ERG: variants seen among roughly 807,000 people sequenced by gnomAD.
The protein encoded by ERG is transcriptional regulator ERG.
ERG carries 9 observed loss-of-function variants against 55.3 expected under a neutral mutation model. The observed-to-expected ratio is 0.16, with a 90% CI of 0.10 to 0.28. The LOEUF is 0.28. Among genes scored for constraint, ERG ranks in the 10% least tolerant of loss-of-function variants. The pLI is 1.00. For synonymous variants in ERG, 223 were observed against 237.3 expected, an observed-to-expected ratio of 0.94 and a Z score of 0.55; for missense variants, 434 against 631.6, an observed-to-expected ratio of 0.69 and a Z score of 3.35.
At chr21:38,525,299 T>G (rs962056967) in intron 2 of ERG, among the ~76,000 whole-genome samples, 2 of 152,054 alleles carry the variant, frequency 1.3e-5, no homozygotes, top group Non-Finnish European at 2.9e-5. Flanking sequence ...TCACCCTCTC[T>G]CGGGTTCTGT....
intron 1 of ERG, among the ~76,000 whole-genome samples, chr21:38,449,986 C>T (rs1235779030): frequency 6.6e-6 from 1 of 151,872 alleles, no homozygotes; most frequent in African/African-American, 2.4e-5. Flanking sequence ...ATTATCAAAC[C>T]CACCTTCAAT....
chr21:38,599,786 G>A (rs1443060419), intron 1 of ERG, among the ~76,000 whole-genome samples: 1 of 152,228 alleles, frequency 6.6e-6, no homozygotes, highest in African/African-American at 2.4e-5. Context: ...GAGGAGACTC[G>A]GAACAGGGAC....
chr21:38,645,296 T>C (rs1298789989), intron 1 of ERG, among the ~76,000 whole-genome samples: 3 of 152,142 alleles, frequency 2.0e-5, no homozygotes, highest in Non-Finnish European at 4.4e-5. Context: ...AAAACCTAAG[T>C]GTGAACTATG....
Position 38,530,220 on chromosome 21 carries a change from C to T in ERG, c.-41+45442G>A, listed in dbSNP as rs145077868. 1.3e-4 allele frequency among the ~76,000 whole-genome samples: 19 copies of T among 151,938 alleles called. No homozygotes were observed. In the East Asian group the frequency reaches 3.8e-3, roughly 30 times the overall value. ...GACTATAGGCGCACACCACCATGCCCAGCTAATTTTTGCATTTTTAGTAGA... is the reference window on the plus strand; with the variant it reads ...GACTATAGGCGCACACCACCATGCCTAGCTAATTTTTGCATTTTTAGTAGA... On this transcript the variant is annotated intron_variant, in intron 2 of 8. Coordinates refer to the ERG transcript ENST00000398897.
intron 1 of ERG, among the ~76,000 whole-genome samples, chr21:38,596,327 A>G (rs1190795336): frequency 2.0e-5 from 3 of 152,212 alleles, no homozygotes; most frequent in African/African-American, 7.2e-5. Flanking sequence ...TAAGCAAATG[A>G]ACACAAATTC....
chr21:38,419,525 A>ACG (rs1039203278), intron 3 of ERG, among the ~76,000 whole-genome samples: 1 of 151,574 alleles, frequency 6.6e-6, no homozygotes, highest in Non-Finnish European at 1.5e-5. Context: ...ATACACACAC[A>ACG]CACACGTGCG....
intron 1 of ERG, among the ~76,000 whole-genome samples, chr21:38,646,700 T>C (rs2060458870): frequency 1.3e-5 from 2 of 152,202 alleles, no homozygotes; most frequent in South Asian, 4.1e-4. Context: ...TCGCTGATCA[T>C]GTTCATACCG....
At chr21:38,533,684 A>G (rs763949579) in intron 2 of ERG, among the ~76,000 whole-genome samples, 2 of 152,142 alleles carry the variant, frequency 1.3e-5, no homozygotes, top group African/African-American at 2.4e-5. Flanking sequence ...ATTTGAGTGT[A>G]CATTGCAATA....
intron 2 of ERG, among the ~76,000 whole-genome samples, chr21:38,562,305 T>C (rs995766283): frequency 2.0e-5 from 3 of 152,238 alleles, no homozygotes; most frequent in African/African-American, 7.2e-5. Context: ...TGTGCCCTGA[T>C]AGTTTCCACT....
upstream of ERG, among the ~76,000 whole-genome samples, chr21:38,587,897 A>G (rs2060076129): frequency 6.6e-6 from 1 of 152,254 alleles, no homozygotes; most frequent in African/African-American, 2.4e-5. Context: ...TGGTTGAGAC[A>G]TTGTTGGGCC....
chr21:38,389,548 T>C (rs1426460178), intron 9 of ERG, among the ~76,000 whole-genome samples: 1 of 151,828 alleles, frequency 6.6e-6, no homozygotes, highest in Non-Finnish European at 1.5e-5. Context: ...ATAGTCATTA[T>C]TTTTATTTGA....
chr21:38,612,883 G>A (rs560407474), intron 1 of ERG, among the ~76,000 whole-genome samples: 4 of 152,076 alleles, frequency 2.6e-5, no homozygotes, highest in African/African-American at 7.2e-5. Context: ...GAATGGTCTC[G>A]ATCTCCTGAC....
At chr21:38,565,296 A>T (rs2059916188) in intron 2 of ERG, among the ~76,000 whole-genome samples, 1 of 152,212 alleles carries the variant, frequency 6.6e-6, no homozygotes, top group Admixed American at 6.5e-5. Context: ...CCCACACAAC[A>T]GCCAACATGG....
intron 7 of ERG, 170 bp downstream of exon 7, chr21:38,392,206 G>T: frequency 1.4e-6 from 1 of 711,576 alleles, no homozygotes; most frequent in East Asian, 2.7e-5. Flanking sequence ...TGACCCAAAT[G>T]GAGAAAGAAT....
At chr21:38,656,269 C>G (rs9976546) in intron 1 of ERG, among the ~76,000 whole-genome samples, 40,726 of 152,012 alleles carry the variant, frequency 0.27, 5,780 homozygotes, top group East Asian at 0.37. Flanking sequence ...ATCGAGACAT[C>G]AAGGGCTGCC....
intron 2 of ERG, among the ~76,000 whole-genome samples, chr21:38,536,327 G>A (rs2059710210): frequency 6.6e-6 from 1 of 152,026 alleles, no homozygotes; most frequent in Non-Finnish European, 1.5e-5. Flanking sequence ...AGCCATTTGG[G>A]AAAACAGCCC....
intron 1 of ERG, among the ~76,000 whole-genome samples, chr21:38,596,048 T>G: frequency 1.1e-4 from 6 of 53,908 alleles, no homozygotes; most frequent in South Asian, 7.4e-4. Flanking sequence ...TAAAAATTGG[T>G]GTGGGATTGG....
intron 2 of ERG, among the ~76,000 whole-genome samples, chr21:38,514,717 T>C (rs2059538889): frequency 6.6e-6 from 1 of 151,986 alleles, no homozygotes; most frequent in Non-Finnish European, 1.5e-5. Context: ...ATTACCGCAT[T>C]TGTCTGAAAT....
chr21:38,551,099 CCT>C (rs899368124), intron 2 of ERG, among the ~76,000 whole-genome samples: 2 of 151,564 alleles, frequency 1.3e-5, no homozygotes, highest in African/African-American at 4.8e-5. Context: ...TAAATTTATC[CCT>C]TTTTTTCTGG....
Sources: allele counts gnomAD v4.1 joint callset (sites outside exome capture counted in the v4.1 genomes callset), GRCh38; gene constraint gnomAD v4.1.1; transcripts MANE v1.5; gene names NCBI Gene and HGNC (gene_info 2026-07-23, HGNC 2026-07-21).